Variants in EDEM3 observed in about 807,000 individuals in gnomAD.
EDEM3 encodes ER degradation-enhancing alpha-mannosidase-like protein 3.
EDEM3 carries 60 observed loss-of-function variants against 110.2 expected under a neutral mutation model. The observed-to-expected ratio is 0.54, with a 90% CI of 0.44 to 0.67. The LOEUF is 0.67. Ranked by LOEUF, EDEM3 falls within the 30% of genes least tolerant of loss-of-function variation. The probability of loss-of-function intolerance (pLI) is 0.00; values close to 1 mark genes in which losing one functional copy is unlikely to be tolerated. For missense variants in EDEM3, 996 were observed against 1,121.0 expected (o/e 0.89, Z 1.59); for synonymous variants, 352 against 382.9 (o/e 0.92, Z 0.94).
intron 18 of EDEM3, 84 bp downstream of exon 18, chr1:184,706,559 G>C: frequency 7.6e-7 from 1 of 1,309,666 alleles, no homozygotes; most frequent in Non-Finnish European, 1.0e-6. Flanking sequence ...CAAACTCTTT[G>C]ATAAAATTTT....
intron 5 of EDEM3, among the ~76,000 whole-genome samples, chr1:184,733,342 A>T (rs1651633042): frequency 6.6e-6 from 1 of 152,232 alleles, no homozygotes; most frequent in South Asian, 2.1e-4. Context: ...TCTTTAACTT[A>T]GAATATTATT....
In EDEM3 at chr1:184,706,793, C is replaced by T. The variant is rs1649956009; in HGVS notation, c.2053G>A (p.Ala685Thr). 3 of 1,612,990 alleles carry T rather than the reference C, an allele frequency of 1.9e-6. No individual in the cohort carries two copies. The highest frequency in any genetic ancestry group is 3.3e-5 in the Admixed American group (2 of 59,828). ...CAACCATTGGATGGTTTACTGCTTGCAACAAATCCTCTTGTCTGTCAGAAA... is the reference window on the plus strand; with the variant it reads ...CAACCATTGGATGGTTTACTGCTTGTAACAAATCCTCTTGTCTGTCAGAAA... ...SKHKETRGFV[A>T]SSKPSNGCSE... is the part of the protein sequence containing the mutation. The change falls in exon 18 of 20, where the codon GCA becomes ACA. Residue 685 changes from alanine to threonine, a missense_variant. Around this residue, in one of 5 missense-constraint regions of EDEM3, gnomAD observed 345 missense variants for 402.0 expected, o/e 0.86. Transcript: ENST00000318130.
intron 1 of EDEM3, 117 bp downstream of exon 1, chr1:184,754,372 G>A (rs377469556): frequency 1.3e-6 from 2 of 1,487,412 alleles, no homozygotes; most frequent in Non-Finnish European, 1.8e-6. Flanking sequence ...TCTCGCGCGG[G>A]AAGAGCCGTT....
chr1:184,740,574 G>A (rs1652080351), intron 2 of EDEM3, among the ~76,000 whole-genome samples: 1 of 152,202 alleles, frequency 6.6e-6, no homozygotes, highest in African/African-American at 2.4e-5. Context: ...TCACACAGAG[G>A]TGAGTGTATG....
chr1:184,714,648 G>A (rs1650443608), intron 13 of EDEM3, among the ~76,000 whole-genome samples: 2 of 151,916 alleles, frequency 1.3e-5, no homozygotes, highest in Admixed American at 1.3e-4. Context: ...CTAACAGTTT[G>A]GATGAAAAAA....
intron 2 of EDEM3, among the ~76,000 whole-genome samples, chr1:184,742,551 T>C (rs189514468): frequency 1.3e-3 from 200 of 152,162 alleles, no homozygotes; most frequent in African/African-American, 4.6e-3. Flanking sequence ...CCACCATACT[T>C]GGCTAATTTT....
At chr1:184,739,503 T>A (rs1302174168) in intron 2 of EDEM3, among the ~76,000 whole-genome samples, 1 of 152,026 alleles carries the variant, frequency 6.6e-6, no homozygotes, top group African/African-American at 2.4e-5. Context: ...TTGGAAGAAC[T>A]GAATTTGGGG....
rs1558034414 is a variant in EDEM3, at chr1:184,690,349, A to T, written c.*3714T>A. 1 of 152,450 alleles carries T rather than the reference A, an allele frequency of 6.6e-6. No homozygotes were observed. Among genetic ancestry groups the T allele is most frequent in the Non-Finnish European group, 1.5e-5 (1 of 68,010 alleles). 9.4% of individuals were successfully genotyped at this position (152,450 alleles called of 1,614,324 possible). ...AACAAAATCCTTACTTTAGCCCACAAGCTTGGGTTTCTACAGCCTAAAATG... is the reference window on the plus strand; with the variant it reads ...AACAAAATCCTTACTTTAGCCCACATGCTTGGGTTTCTACAGCCTAAAATG... On this transcript the variant is annotated 3_prime_UTR_variant, in exon 20 of 20. Transcript: ENST00000318130.
intron 2 of EDEM3, among the ~76,000 whole-genome samples, chr1:184,742,302 T>C (rs540694279): frequency 1.1e-4 from 17 of 152,316 alleles, no homozygotes; most frequent in African/African-American, 3.8e-4. Context: ...GCAACACATG[T>C]TTTGATAGCA....
chr1:184,705,959 C>T (rs977297756), intron 18 of EDEM3, among the ~76,000 whole-genome samples: 28 of 152,036 alleles, frequency 1.8e-4, no homozygotes, highest in Non-Finnish European at 1.5e-4. Flanking sequence ...CTTGTCATTT[C>T]GGTAGAAAAA....
intron 13 of EDEM3, among the ~76,000 whole-genome samples, chr1:184,716,206 A>C (rs1650536214): frequency 6.6e-6 from 1 of 152,168 alleles, no homozygotes; most frequent in Non-Finnish European, 1.5e-5. Context: ...TAATCCTCAA[A>C]AACTAGTAAG....
intron 2 of EDEM3, among the ~76,000 whole-genome samples, chr1:184,749,046 A>C (rs1652603237): frequency 6.6e-6 from 1 of 152,190 alleles, no homozygotes; most frequent in Non-Finnish European, 1.5e-5. Flanking sequence ...ATTTAATCTT[A>C]AGTGAGCCCT....
Position 184,712,356 on chromosome 1 carries a change from A to G in EDEM3, c.1536+77T>C, listed in dbSNP as rs1029508169. 3.8e-6 allele frequency: 5 copies of G among 1,305,006 alleles called. No homozygotes were observed. In the African/African-American group the frequency reaches 6.1e-5, roughly 16 times the overall value. 80.8% of individuals were successfully genotyped at this position (1,305,006 alleles called of 1,614,324 possible). On this transcript the variant is annotated intron_variant, in intron 14 of 19. Coordinates refer to ENST00000318130, the MANE Select transcript of EDEM3 (RefSeq NM_025191.4). ...TACATATATTTATTGAATTCTACTC[A>G]TGGATTACTTTTCACTTGGAAAAAT...
rs1651195942 is a variant in EDEM3 at position 184,726,403 on chromosome 1, G to C, written c.613-14C>G. ...CTTTAAATTAATCTGAATACAATTA[G>C]AAAATTGTCATTAGCAGTTATCAAG... On this transcript the variant is annotated splice_polypyrimidine_tract_variant and intron_variant, in intron 6 of 19. Transcript: ENST00000318130. 2 of 1,610,194 alleles carry C rather than the reference G, an allele frequency of 1.2e-6. No individual in the cohort carries two copies. The highest frequency in any genetic ancestry group is 1.7e-6 in the Non-Finnish European group (2 of 1,178,046).
chr1:184,717,047 A>G (rs1236634752), intron 12 of EDEM3, 35 bp from the exon 13 acceptor site: 1 of 1,462,596 alleles, frequency 6.8e-7, no homozygotes, highest in South Asian at 1.3e-5. Context: ...TAATATATAT[A>G]GCTTATATAT....
At chr1:184,754,123 A>T (rs1652945053) in intron 1 of EDEM3, among the ~76,000 whole-genome samples, 3 of 152,192 alleles carry the variant, frequency 2.0e-5, no homozygotes, top group Admixed American at 2.0e-4. Context: ...CACTTGCGCG[A>T]GAAAGCTAAC....
At chr1:184,736,935 C>G in intron 4 of EDEM3, 90 bp downstream of exon 4, 1 of 1,072,396 alleles carries the variant, frequency 9.3e-7, no homozygotes, top group Non-Finnish European at 1.4e-6. Flanking sequence ...CTGAAGGCTT[C>G]TATTTCATAC....
chr1:184,706,945 C>G, intron 17 of EDEM3, 137 bp from the exon 18 acceptor site: 1 of 891,214 alleles, frequency 1.1e-6, no homozygotes, highest in Non-Finnish European at 1.6e-6. Flanking sequence ...ATATAGTCAC[C>G]ATAAAATATT....
At chr1:184,730,697 T>C (rs1651462570) in intron 6 of EDEM3, among the ~76,000 whole-genome samples, 1 of 152,218 alleles carries the variant, frequency 6.6e-6, no homozygotes, top group Admixed American at 6.5e-5. Flanking sequence ...TAAAAAGTGC[T>C]AGTCACAACT....
Sources: gnomAD v4.1 joint callset for allele counts (sites outside exome capture counted in the v4.1 genomes callset) on GRCh38, gnomAD v4.1.1 for gene constraint, gnomAD v4.1.1 regional missense constraint, MANE v1.5 for transcripts, NCBI Gene and HGNC (gene_info 2026-07-23, HGNC 2026-07-21) for gene names.